Variants in PDE8B observed in about 807,000 individuals in gnomAD.
PDE8B encodes the protein high affinity cAMP-specific and IBMX-insensitive 3',5'-cyclic phosphodiesterase 8B.
PDE8B carries 26 observed loss-of-function variants against 101.3 expected under a neutral mutation model. The ratio of observed to expected loss-of-function variants is 0.26; its 90% CI spans 0.19 to 0.36. The LOEUF is 0.36. Among genes scored for constraint, PDE8B ranks in the 10% least tolerant of loss-of-function variants. The pLI, the probability that PDE8B is intolerant of heterozygous loss-of-function variation, is 1.00. For missense variants in PDE8B, 810 were observed against 1,163.1 expected, an observed-to-expected ratio of 0.70 and a Z score of 4.42; for synonymous variants, 424 against 429.3, an observed-to-expected ratio of 0.99 and a Z score of 0.15.
chr5:77,356,846 T>C (rs528734210), intron 10 of PDE8B, among the ~76,000 whole-genome samples: 1 of 152,302 alleles, frequency 6.6e-6, no homozygotes, highest in South Asian at 2.1e-4. Context: ...GTCTGGACTT[T>C]CCCTACCCTG....
chr5:77,426,485 C>A lies in PDE8B; in HGVS notation c.2589C>A (p.Asp863Glu). Residue 863 changes from aspartate (D) to glutamate (E), a missense_variant, in exon 22 of 22, where the codon GAC becomes GAA. Asp to Glu is a conservative substitution (Grantham distance 45). Around this residue, in one of 4 missense-constraint regions of PDE8B, gnomAD observed 325 missense variants for 560.9 expected, o/e 0.58. Transcript: ENST00000264917. ...CAGCCCTGATGCAACATTTGGCTGA[C>A]AACTACAAACACTGGAAGACACTAG... The part of the protein sequence containing the change: ...HLPALMQHLA[D>E]NYKHWKTLDD... The A allele has an allele frequency of 6.2e-7, 1 of 1,613,672 alleles. No homozygotes were observed. The highest frequency in any genetic ancestry group is 8.5e-7 in the Non-Finnish European group (1 of 1,179,650).
rs1448282389 is a variant in PDE8B, at chr5:77,353,393, A to G, written c.1154A>G (p.Asp385Gly). The change falls in exon 10 of 22, where the codon GAC (aspartate) becomes GGC (glycine). Residue 385 changes from aspartate (D) to glycine (G), a missense_variant. This residue lies in a region of PDE8B where 75 missense variants were observed against 76.9 expected (regional missense o/e 0.98). Transcript: ENST00000264917. ...CTCAAGAAACTGTGTTGTACCACTG[A>G]CAATAATAAGCAGGTATGGTATTAG... is the stretch of plus-strand genomic sequence containing the variant. ...VSLKKLCCTT[D>G]NNKQIHKIHR... 3.1e-6 allele frequency: 5 copies of G among 1,599,904 alleles called. No homozygotes were observed. The highest frequency in any genetic ancestry group is 4.3e-6 in the Non-Finnish European group (5 of 1,167,068).
At chr5:77,376,368 G>A (rs908346412) in intron 10 of PDE8B, among the ~76,000 whole-genome samples, 1 of 152,192 alleles carries the variant, frequency 6.6e-6, no homozygotes, top group African/African-American at 2.4e-5. Context: ...TTCGCTGAGA[G>A]CCAGAGCTTT....
rs146676707 is a variant in PDE8B, at chr5:77,242,695, G to A, written c.339+31431G>A. Among the ~76,000 whole-genome samples, 119 of 151,920 alleles carry A rather than the reference G, an allele frequency of 7.8e-4. 1 individual carries two copies. Among genetic ancestry groups the A allele is most frequent in the African/African-American group, 2.7e-3 (110 of 41,416 alleles). On this transcript the variant is annotated intron_variant, in intron 1 of 21. Coordinates refer to ENST00000264917, the MANE Select transcript of PDE8B (RefSeq NM_003719.5). ...TATTTATGTATTTATTTTTTGAGGC[G>A]GAGTCTCCCTCTGTCGCCCAGGCTG... is the stretch of plus-strand genomic sequence containing the variant.
the PDE8B span, among the ~76,000 whole-genome samples, chr5:77,102,488 T>G: frequency 1.3e-5 from 2 of 152,292 alleles, no homozygotes; most frequent in Non-Finnish European, 2.9e-5. Flanking sequence ...GGGGATTAAA[T>G]GAAGTGAGTT....
At chr5:77,404,490 C>G (rs776678937) in intron 11 of PDE8B, among the ~76,000 whole-genome samples, 8 of 152,200 alleles carry the variant, frequency 5.3e-5, no homozygotes, top group African/African-American at 7.2e-5. Context: ...AGCTATATTA[C>G]TATGATATAA....
chr5:77,210,719 A>T lies in PDE8B; in HGVS notation c.-207A>T, dbSNP rs1748075849. ...CCCCGCTCGGGGAGGAAGATGGCCC[A>T]AAAGGGAAAGTTGGGGTGACGCGCG... On this transcript the variant is annotated 5_prime_UTR_variant, in exon 1 of 22. Coordinates refer to ENST00000264917, the MANE Select transcript of PDE8B (RefSeq NM_003719.5). The surrounding 1 kb of genome is among the most constrained non-coding windows in gnomAD (Gnocchi z 4.9). The T allele has an allele frequency of 1.0e-6, 1 of 980,408 alleles. No homozygotes were observed. The highest frequency in any genetic ancestry group is 1.2e-6 in the Non-Finnish European group (1 of 828,016). The allele number at this position is 980,408 out of a possible 1,614,324, so 60.7% of individuals were successfully genotyped here.
At chr5:77,377,953 G>A (rs1461401497) in intron 10 of PDE8B, among the ~76,000 whole-genome samples, 1 of 151,486 alleles carries the variant, frequency 6.6e-6, no homozygotes, top group Non-Finnish European at 1.5e-5. Flanking sequence ...CCATAATCAT[G>A]TGAGCCAATT....
In PDE8B at chr5:77,403,699, G is replaced by T. The variant is rs568450102; in HGVS notation, c.1211-1021G>T. Among the ~76,000 whole-genome samples, 8 of 152,148 alleles carry T rather than the reference G, an allele frequency of 5.3e-5. No individual in the cohort carries two copies. In the South Asian group the frequency reaches 1.7e-3, roughly 32 times the overall value. ...ATAGTATAATAAATATTTTAAGCTA[G>T]ATTATTTAAGATAAGGTGCTATAGC... On this transcript the variant is annotated intron_variant, in intron 11 of 21. Transcript: ENST00000264917.
the PDE8B span, among the ~76,000 whole-genome samples, chr5:77,173,943 A>T: frequency 6.6e-6 from 1 of 151,810 alleles, no homozygotes; most frequent in Non-Finnish European, 1.5e-5. Flanking sequence ...CTATTAGCAC[A>T]CTCTGTCCTT....
At chr5:77,098,269 G>T in the PDE8B span, among the ~76,000 whole-genome samples, 1 of 147,180 alleles carries the variant, frequency 6.8e-6, no homozygotes. Context: ...GGCTTTTTCA[G>T]ACCCACCTTC....
chr5:77,185,676 T>TA, the PDE8B span, among the ~76,000 whole-genome samples: 1 of 152,160 alleles, frequency 6.6e-6, no homozygotes, highest in African/African-American at 2.4e-5. Context: ...TACTGAGCCA[T>TA]GTTATGGAGT....
At chr5:77,397,727 A>G (rs533755222) in intron 10 of PDE8B, among the ~76,000 whole-genome samples, 1 of 152,332 alleles carries the variant, frequency 6.6e-6, no homozygotes, top group East Asian at 1.9e-4. Flanking sequence ...TGGAAGTTTT[A>G]GGGCCTAAAC....
At chr5:77,181,991 T>C in the PDE8B span, among the ~76,000 whole-genome samples, 2 of 152,042 alleles carry the variant, frequency 1.3e-5, no homozygotes, top group Admixed American at 6.5e-5. Context: ...GGTTCGGTTT[T>C]CCAAGAAGCA....
intron 2 of PDE8B, among the ~76,000 whole-genome samples, chr5:77,314,490 T>C (rs573676382): frequency 1.6e-4 from 25 of 152,278 alleles, no homozygotes; most frequent in African/African-American, 5.8e-4. Flanking sequence ...GGAGTATTAC[T>C]ATGTTAACAA....
the PDE8B span, among the ~76,000 whole-genome samples, chr5:77,200,252 G>GA: frequency 3.0e-4 from 45 of 150,660 alleles, no homozygotes; most frequent in African/African-American, 9.2e-4. Flanking sequence ...GAAGAATGGA[G>GA]AAAAAAAAAT....
chr5:77,356,846 T>A (rs528734210), intron 10 of PDE8B, among the ~76,000 whole-genome samples: 1 of 152,184 alleles, frequency 6.6e-6, no homozygotes, highest in Non-Finnish European at 1.5e-5. Context: ...GTCTGGACTT[T>A]CCCTACCCTG....
chr5:77,135,028 C>T, the PDE8B span, among the ~76,000 whole-genome samples: 5 of 152,256 alleles, frequency 3.3e-5, no homozygotes, highest in South Asian at 6.2e-4. Flanking sequence ...TACTTCCCTT[C>T]GACTGCTCCC....
At chr5:77,386,643 A>G (rs1021771838) in intron 10 of PDE8B, among the ~76,000 whole-genome samples, 13 of 151,992 alleles carry the variant, frequency 8.6e-5, no homozygotes, top group African/African-American at 2.4e-4. Context: ...ATATTTCTCT[A>G]TCCCTTTATT....
Sources: gnomAD v4.1 joint callset for allele counts (sites outside exome capture counted in the v4.1 genomes callset) on GRCh38, gnomAD v4.1.1 for gene constraint, gnomAD v4.1.1 regional missense constraint, Gnocchi (gnomAD v3.1) non-coding constraint, MANE v1.5 for transcripts, NCBI Gene and HGNC (gene_info 2026-07-23, HGNC 2026-07-21) for gene names.